PCDHA1: variants seen among roughly 807,000 people sequenced by gnomAD.
The protein encoded by PCDHA1 is protocadherin alpha-1.
In PCDHA1, 42 loss-of-function variants were observed where a neutral mutation model predicts 61.3. The ratio of observed to expected loss-of-function variants is 0.69; its 90% CI spans 0.54 to 0.89. PCDHA1 has a LOEUF of 0.89. Among genes scored for constraint, PCDHA1 ranks in the 40% least tolerant of loss-of-function variants. The pLI is 0.00. For missense variants in PCDHA1, 1,256 were observed against 1,235.3 expected (o/e 1.02, Z -0.25); for synonymous variants, 610 against 553.8 (o/e 1.10, Z -1.43).
chr5:140,874,318 T>A (rs1169216245), intron 1 of PCDHA1, among the ~76,000 whole-genome samples: 1 of 151,782 alleles, frequency 6.6e-6, no homozygotes, highest in African/African-American at 2.4e-5. Context: ...AGTTGTAGGA[T>A]CTTATCTGTT....
At chr5:140,803,688 T>A in intron 1 of PCDHA1, 1 of 1,554,080 alleles carries the variant, frequency 6.4e-7, no homozygotes, top group South Asian at 1.2e-5. Context: ...AAGTATGAAT[T>A]ATGTGATTCA....
At chr5:140,880,586 G>C (rs1212732393) in intron 1 of PCDHA1, among the ~76,000 whole-genome samples, 1 of 152,206 alleles carries the variant, frequency 6.6e-6, no homozygotes, top group African/African-American at 2.4e-5. Context: ...AGAGGAAAGA[G>C]AATATGGAAG....
chr5:141,002,442 A>G (rs1177854570), intron 3 of PCDHA1, among the ~76,000 whole-genome samples: 3 of 152,218 alleles, frequency 2.0e-5, no homozygotes, highest in Non-Finnish European at 4.4e-5. Context: ...AACCATAATA[A>G]TTGGCACATT....
rs376836131 is a variant in PCDHA1, at chr5:140,804,922, T to C, written c.2394+16238T>C. Reference sequence around the variant, plus strand: ...CTTCCATTTTCTTTATTTCCTTTTTTGGCACTATCCTTTGTTGCTCCCTTG... The same window carrying C: ...CTTCCATTTTCTTTATTTCCTTTTTCGGCACTATCCTTTGTTGCTCCCTTG... On this transcript the variant is annotated intron_variant, in intron 1 of 3. Coordinates refer to ENST00000504120, the MANE Select transcript of PCDHA1 (RefSeq NM_018900.4). 9 of 985,190 alleles carry C rather than the reference T, an allele frequency of 9.1e-6. No homozygotes were observed. In the African/African-American group the frequency reaches 1.2e-4, roughly 13 times the overall value. 61.0% of individuals were successfully genotyped at this position (985,190 alleles called of 1,614,324 possible). A position where few individuals can be genotyped will look rare whatever the true frequency, so the allele number is the denominator to read the frequency against.
intron 1 of PCDHA1, chr5:140,862,219 T>C: frequency 4.8e-6 from 1 of 206,310 alleles, no homozygotes; most frequent in Non-Finnish European, 9.9e-6. Flanking sequence ...ACAGACTTGA[T>C]AGAAGTCTTG....
chr5:140,950,473 G>T (rs2094486830), intron 1 of PCDHA1, among the ~76,000 whole-genome samples: 1 of 152,010 alleles, frequency 6.6e-6, no homozygotes, highest in African/African-American at 2.4e-5. Context: ...CATAGTTTCT[G>T]ATGAGAAGTG....
intron 1 of PCDHA1, among the ~76,000 whole-genome samples, chr5:140,800,128 T>A (rs1762511259): frequency 6.6e-6 from 1 of 152,152 alleles, no homozygotes; most frequent in Non-Finnish European, 1.5e-5. Context: ...TACTTTATAT[T>A]GTTAACATTT....
At chr5:140,841,950 T>C (rs1580983640) in intron 1 of PCDHA1, 1 of 1,613,892 alleles carries the variant, frequency 6.2e-7, no homozygotes. Context: ...GCGCACCACT[T>C]ATTCCTGACA....
At chr5:140,987,592 G>A (rs150671243) in intron 3 of PCDHA1, among the ~76,000 whole-genome samples, 29 of 152,290 alleles carry the variant, frequency 1.9e-4, no homozygotes, top group Admixed American at 1.6e-3. Context: ...GAGAATAGTG[G>A]TGTCTACCTT....
At chr5:140,927,097 G>A in intron 1 of PCDHA1, 1 of 1,613,358 alleles carries the variant, frequency 6.2e-7, no homozygotes, top group Non-Finnish European at 8.5e-7. Context: ...CTTCGGGGTG[G>A]ATCTACCCAG....
intron 1 of PCDHA1, chr5:140,884,510 T>C: frequency 3.1e-6 from 5 of 1,613,982 alleles, no homozygotes; most frequent in Non-Finnish European, 3.4e-6. Context: ...GGCAGGGAGT[T>C]GGTCGTACTC....
chr5:140,857,677 T>C lies in PCDHA1; in HGVS notation c.2394+68993T>C, dbSNP rs377237803. 36 of 1,596,766 alleles carry C rather than the reference T, an allele frequency of 2.3e-5. 2 individuals carry two copies. In the African/African-American group the frequency reaches 4.6e-4, roughly 20 times the overall value. On this transcript the variant is annotated intron_variant, in intron 1 of 3. Transcript: ENST00000504120. ...GCGCGCGCGATGGGGGCGTGCCGCC[T>C]CTGGGCAGCAACTTGACGCTGCAGG...
chr5:140,796,352 T>G (rs1234756040), intron 1 of PCDHA1: 10 of 1,610,126 alleles, frequency 6.2e-6, no homozygotes, highest in Non-Finnish European at 8.5e-6. Context: ...TACACAGTAT[T>G]CGTGAAGGAG....
At position 140,830,064 on chromosome 5, in the gene PCDHA1, C is replaced by T. The variant is rs148379064; in HGVS notation, c.2394+41380C>T. On this transcript the variant is annotated intron_variant, in intron 1 of 3. Transcript: ENST00000504120. Reference sequence around the variant, plus strand: ...CTGGTGAAAGACCACGGTGAGCCGGCGCTGACAGCGACGGCCACGGTTCTG... The same window carrying T: ...CTGGTGAAAGACCACGGTGAGCCGGTGCTGACAGCGACGGCCACGGTTCTG... 52 of 1,613,544 alleles carry T rather than the reference C, an allele frequency of 3.2e-5. No individual in the cohort carries two copies. The African/African-American group carries it at 5.9e-4, about 18-fold the overall frequency.
intron 1 of PCDHA1, chr5:140,807,700 A>C: frequency 1.2e-6 from 2 of 1,614,208 alleles, no homozygotes; most frequent in Non-Finnish European, 1.7e-6. Context: ...TCACTTACAG[A>C]CTGAGCCCAA....
chr5:140,886,268 A>C (rs1250080024), intron 1 of PCDHA1, among the ~76,000 whole-genome samples: 2 of 151,920 alleles, frequency 1.3e-5, no homozygotes, highest in Non-Finnish European at 2.9e-5. Flanking sequence ...TTATAGATAA[A>C]ATTTTTTAAA....
intron 1 of PCDHA1, among the ~76,000 whole-genome samples, chr5:140,879,111 T>A (rs1056977716): frequency 2.0e-4 from 30 of 152,184 alleles, no homozygotes; most frequent in African/African-American, 7.2e-4. Flanking sequence ...ATGGTGTAAT[T>A]GAAGGATTAG....
At chr5:140,814,209 A>G (rs1246288617) in intron 1 of PCDHA1, 4 of 149,518 alleles carry the variant, frequency 2.7e-5, no homozygotes, top group African/African-American at 1.0e-4. Context: ...TTTCACTTTT[A>G]CTTAGTGTTT....
intron 1 of PCDHA1, chr5:140,868,947 A>T: frequency 7.7e-7 from 1 of 1,290,598 alleles, no homozygotes; most frequent in Non-Finnish European, 1.1e-6. Flanking sequence ...CTGAACAGTG[A>T]GGCACTCCCA....
Sources: gnomAD v4.1 joint callset for allele counts (sites outside exome capture counted in the v4.1 genomes callset) on GRCh38, gnomAD v4.1.1 for gene constraint, MANE v1.5 for transcripts, NCBI Gene and HGNC (gene_info 2026-07-23, HGNC 2026-07-21) for gene names.